The following REDIC1 variants were observed in gnomAD, a reference collection of about 807,000 sequenced individuals.
REDIC1 encodes HEI10 Interacting Protein 1.
chr12:39,798,646 C>T, the REDIC1 span, among the ~76,000 whole-genome samples: 2 of 152,164 alleles, frequency 1.3e-5, no homozygotes, highest in Admixed American at 1.3e-4. Flanking sequence ...GCAAGCACAG[C>T]CTCCCTGGAA....
At chr12:39,902,562 TAAA>T in the REDIC1 span, among the ~76,000 whole-genome samples, 1 of 151,976 alleles carries the variant, frequency 6.6e-6, no homozygotes, top group Admixed American at 6.6e-5. Flanking sequence ...GTACTAAAAA[TAAA>T]ATCACAAATG....
the REDIC1 span, among the ~76,000 whole-genome samples, chr12:39,712,987 GTATA>G: frequency 3.9e-4 from 8 of 20,478 alleles, no homozygotes; most frequent in Admixed American, 4.1e-3. Context: ...ATATACATGT[GTATA>G]TACGTGTATA....
At chr12:39,763,473 C>G in the REDIC1 span, among the ~76,000 whole-genome samples, 1 of 152,018 alleles carries the variant, frequency 6.6e-6, no homozygotes, top group African/African-American at 2.4e-5. Context: ...ATCAGGTGAA[C>G]AGGATGCCTT....
At chr12:39,836,495 T>G in the REDIC1 span, among the ~76,000 whole-genome samples, 1 of 151,694 alleles carries the variant, frequency 6.6e-6, no homozygotes, top group African/African-American at 2.4e-5. Flanking sequence ...CCAGGGCAAT[T>G]AGGCAGGAGA....
At chr12:39,881,437 T>C in the REDIC1 span, among the ~76,000 whole-genome samples, 69 of 146,462 alleles carry the variant, frequency 4.7e-4, no homozygotes, top group African/African-American at 1.4e-3. Context: ...ACTGTCTTTT[T>C]CAGTTTACTA....
the REDIC1 span, among the ~76,000 whole-genome samples, chr12:39,651,388 A>G: frequency 6.6e-6 from 1 of 152,090 alleles, no homozygotes; most frequent in African/African-American, 2.4e-5. Flanking sequence ...TTTAAAATCT[A>G]TTAAGCTTGT....
At chr12:39,661,628 CCTTTA>C in the REDIC1 span, among the ~76,000 whole-genome samples, 1 of 151,912 alleles carries the variant, frequency 6.6e-6, no homozygotes, top group Non-Finnish European at 1.5e-5. Flanking sequence ...ATGATTGTTT[CCTTTA>C]CTGTGAAGAA....
chr12:39,713,669 ATATG>A, the REDIC1 span, among the ~76,000 whole-genome samples: 27 of 149,816 alleles, frequency 1.8e-4, no homozygotes, highest in Non-Finnish European at 2.4e-4. Context: ...GCGTATATAC[ATATG>A]TATGTATGCC....
the REDIC1 span, chr12:39,737,000 A>G: frequency 1.3e-5 from 2 of 152,208 alleles, no homozygotes; most frequent in Non-Finnish European, 2.9e-5. Flanking sequence ...GGTTGGCTAC[A>G]CAGCATTAGA....
the REDIC1 span, among the ~76,000 whole-genome samples, chr12:39,903,776 A>G: frequency 2.0e-5 from 3 of 152,132 alleles, no homozygotes. Context: ...TTGTTCAGTT[A>G]TGAGAATCAA....
At chr12:39,810,275 T>G in the REDIC1 span, among the ~76,000 whole-genome samples, 5 of 152,368 alleles carry the variant, frequency 3.3e-5, no homozygotes, top group Admixed American at 3.3e-4. Context: ...AATTTATCTT[T>G]AAGAATTTCA....
chr12:39,653,747 A>G, the REDIC1 span, among the ~76,000 whole-genome samples: 1 of 151,934 alleles, frequency 6.6e-6, no homozygotes, highest in Non-Finnish European at 1.5e-5. Context: ...TATTGTTCTC[A>G]GTTTTAGGGA....
the REDIC1 span, among the ~76,000 whole-genome samples, chr12:39,897,806 T>C: frequency 6.6e-6 from 1 of 152,166 alleles, no homozygotes; most frequent in Admixed American, 6.6e-5. Context: ...CTTACATTTG[T>C]TTGAAGACTT....
the REDIC1 span, chr12:39,764,844 G>A: frequency 6.2e-7 from 1 of 1,611,876 alleles, no homozygotes; most frequent in Non-Finnish European, 8.5e-7. Context: ...TTTGAACTTG[G>A]TTTCATTTTC....
chr12:39,673,479 T>C, the REDIC1 span, among the ~76,000 whole-genome samples: 2 of 152,224 alleles, frequency 1.3e-5, no homozygotes, highest in African/African-American at 4.8e-5. Context: ...TGATTTCTTA[T>C]TGCTCTTTTC....
chr12:39,661,304 C>T, the REDIC1 span, among the ~76,000 whole-genome samples: 1 of 151,992 alleles, frequency 6.6e-6, no homozygotes, highest in African/African-American at 2.4e-5. Flanking sequence ...TTCTCCATGT[C>T]CTTGCTGTTT....
At chr12:39,698,140 TATAAG>T in the REDIC1 span, among the ~76,000 whole-genome samples, 11 of 152,152 alleles carry the variant, frequency 7.2e-5, no homozygotes, top group South Asian at 2.3e-3. Flanking sequence ...AGACAAAAAT[TATAAG>T]AGACAAAAGA....
At chr12:39,712,856 TGTATATACACGTATATACAC>T in the REDIC1 span, among the ~76,000 whole-genome samples, 4 of 141,014 alleles carry the variant, frequency 2.8e-5, no homozygotes, top group African/African-American at 7.7e-5. Flanking sequence ...TATACACATA[TGTATATACACGTATATACAC>T]GTATATACAT....
the REDIC1 span, among the ~76,000 whole-genome samples, chr12:39,645,014 A>C: frequency 6.6e-6 from 1 of 152,000 alleles, no homozygotes; most frequent in East Asian, 1.9e-4. Context: ...TAATAGTAAT[A>C]AACTAAGGGG....
Sources: allele counts gnomAD v4.1 joint callset (sites outside exome capture counted in the v4.1 genomes callset), GRCh38; gene constraint gnomAD v4.1.1; transcripts MANE v1.5; gene names NCBI Gene and HGNC (gene_info 2026-07-23, HGNC 2026-07-21).